The following MTUS2 variants were observed in gnomAD, a reference collection of about 807,000 sequenced individuals.
MTUS2 encodes microtubule-associated tumor suppressor candidate 2.
In MTUS2, 40 loss-of-function variants were observed where a neutral mutation model predicts 114.1. The ratio of observed to expected loss-of-function variants is 0.35; its 90% CI spans 0.27 to 0.46. MTUS2 has a LOEUF of 0.46. Ranked by LOEUF, MTUS2 falls within the 20% of genes least tolerant of loss-of-function variation. MTUS2 has a pLI of 1.00. For missense variants in MTUS2, 1,679 were observed against 1,705.4 expected (o/e 0.98, Z 0.27); for synonymous variants, 688 against 672.0 (o/e 1.02, Z -0.37).
intron 5 of MTUS2, among the ~76,000 whole-genome samples, chr13:29,154,662 T>C (rs1892787541): frequency 6.6e-6 from 1 of 152,224 alleles, no homozygotes; most frequent in African/African-American, 2.4e-5. Context: ...AGAACTCAAA[T>C]TACCTGTCAT....
At chr13:28,852,993 C>T (rs993096750) in intron 2 of MTUS2, among the ~76,000 whole-genome samples, 9 of 101,352 alleles carry the variant, frequency 8.9e-5, no homozygotes. Context: ...TCATTCATTC[C>T]TTGGAAAAAA....
intron 6 of MTUS2, among the ~76,000 whole-genome samples, chr13:29,310,537 C>T (rs1384262242): frequency 6.6e-6 from 1 of 151,954 alleles, no homozygotes; most frequent in East Asian, 1.9e-4. Flanking sequence ...ATATTGCAAC[C>T]CTTACAAGTG....
chr13:29,320,488 TAGGCC>T (rs1320205974), intron 6 of MTUS2, among the ~76,000 whole-genome samples: 3 of 151,964 alleles, frequency 2.0e-5, no homozygotes, highest in African/African-American at 7.3e-5. Context: ...TGACCTGGAG[TAGGCC>T]AGGCAGACAA....
At chr13:28,995,001 C>T (rs1363116758) in intron 2 of MTUS2, among the ~76,000 whole-genome samples, 2 of 152,058 alleles carry the variant, frequency 1.3e-5, no homozygotes, top group Non-Finnish European at 2.9e-5. Context: ...AATGGTATTG[C>T]CTAGGTTTTC....
chr13:29,386,519 C>T (rs1267721417), intron 8 of MTUS2, among the ~76,000 whole-genome samples: 1 of 152,108 alleles, frequency 6.6e-6, no homozygotes, highest in Non-Finnish European at 1.5e-5. Flanking sequence ...AATGAGTTAG[C>T]CAGATTCTTG....
chr13:29,460,296 G>A (rs1879392794), intron 9 of MTUS2, among the ~76,000 whole-genome samples: 1 of 152,032 alleles, frequency 6.6e-6, no homozygotes, highest in Non-Finnish European at 1.5e-5. Flanking sequence ...CAGAGTTTTT[G>A]TTTTGTTTTA....
chr13:29,056,967 C>T (rs1311075351), intron 4 of MTUS2, among the ~76,000 whole-genome samples: 2 of 151,934 alleles, frequency 1.3e-5, no homozygotes, highest in East Asian at 3.9e-4. Context: ...TTCCCTAACA[C>T]TGCTTTAGTT....
At chr13:29,499,658 GT>G (rs1330501875) in intron 14 of MTUS2, among the ~76,000 whole-genome samples, 4 of 152,218 alleles carry the variant, frequency 2.6e-5, no homozygotes, top group Non-Finnish European at 5.9e-5. Flanking sequence ...CTGTATAAGT[GT>G]TTTATATCCT....
chr13:29,289,075 T>C (rs1186621362), intron 6 of MTUS2, among the ~76,000 whole-genome samples: 1 of 152,260 alleles, frequency 6.6e-6, no homozygotes, highest in Non-Finnish European at 1.5e-5. Context: ...ATACCCTTTT[T>C]TCCTACCATG....
intron 1 of MTUS2, among the ~76,000 whole-genome samples, chr13:28,836,966 G>T (rs149317257): frequency 2.3e-4 from 35 of 152,284 alleles, no homozygotes; most frequent in African/African-American, 8.2e-4. Context: ...TTTCAGATCT[G>T]CCCCCCTTAG....
chr13:29,404,176 CA>C (rs33920912), intron 8 of MTUS2, among the ~76,000 whole-genome samples: 39 of 127,766 alleles, frequency 3.1e-4, no homozygotes, highest in Middle Eastern at 7.9e-3. Context: ...TCCATCTCTA[CA>C]AAAAAAAAAA....
rs545008791 is a variant in MTUS2, at chr13:29,252,464, G to A, written c.2645-29240G>A. Among the ~76,000 whole-genome samples, 126 of 152,276 alleles carry A rather than the reference G, an allele frequency of 8.3e-4. No homozygotes were observed. In the South Asian group the frequency reaches 0.026, roughly 32 times the overall value. On this transcript the variant is annotated intron_variant, in intron 5 of 15. Transcript: ENST00000612955. The stretch of plus-strand genomic sequence containing the variant: ...TCCTGGCCACAGTGAGTGAGGCGTT[G>A]CTGCAGGGATTGCATGTTTAGAAAA...
At chr13:28,892,894 C>G (rs144214444) in intron 2 of MTUS2, among the ~76,000 whole-genome samples, 15 of 152,256 alleles carry the variant, frequency 9.9e-5, no homozygotes, top group African/African-American at 3.6e-4. Flanking sequence ...GGACTTCTTT[C>G]CAATGCAGAG....
At chr13:29,451,609 A>C (rs1878687288) in intron 9 of MTUS2, among the ~76,000 whole-genome samples, 2 of 147,588 alleles carry the variant, frequency 1.4e-5, no homozygotes, top group Non-Finnish European at 3.0e-5. Flanking sequence ...TTTGAGATGG[A>C]GTTTTGCTCT....
At chr13:29,174,409 C>G (rs377386157) in intron 5 of MTUS2, among the ~76,000 whole-genome samples, 95 of 152,240 alleles carry the variant, frequency 6.2e-4, no homozygotes, top group African/African-American at 2.1e-3. Context: ...AACCAGTGAG[C>G]CATCAGAACC....
At chr13:29,199,995 T>G (rs946307187) in intron 5 of MTUS2, among the ~76,000 whole-genome samples, 4 of 152,186 alleles carry the variant, frequency 2.6e-5, no homozygotes, top group Non-Finnish European at 5.9e-5. Flanking sequence ...GTGAGTATTC[T>G]CGGATAGTAG....
chr13:29,141,137 AT>A, intron 5 of MTUS2, among the ~76,000 whole-genome samples: 1 of 152,188 alleles, frequency 6.6e-6, no homozygotes, highest in East Asian at 1.9e-4. Context: ...ACCCACTTAT[AT>A]TTTTCCCAGT....
At chr13:28,996,372 G>A (rs959559430) in intron 2 of MTUS2, among the ~76,000 whole-genome samples, 2 of 152,048 alleles carry the variant, frequency 1.3e-5, no homozygotes, top group East Asian at 1.9e-4. Context: ...TTTTTGTTGT[G>A]TCTCTGCCAG....
chr13:28,918,953 A>G (rs2138044360), intron 2 of MTUS2, among the ~76,000 whole-genome samples: 1 of 152,124 alleles, frequency 6.6e-6, no homozygotes, highest in Non-Finnish European at 1.5e-5. Flanking sequence ...AAAGAAAACT[A>G]ATAAAAAACT....
Sources: allele counts gnomAD v4.1 joint callset (sites outside exome capture counted in the v4.1 genomes callset), GRCh38; gene constraint gnomAD v4.1.1; transcripts MANE v1.5; gene names NCBI Gene and HGNC (gene_info 2026-07-23, HGNC 2026-07-21).